DPH5: variants seen among roughly 807,000 people sequenced by gnomAD.
DPH5 encodes diphthamide biosynthesis 5, also known as diphthine methyl ester synthase.
In DPH5, 31 loss-of-function variants were observed where a neutral mutation model predicts 31.6. The ratio of observed to expected loss-of-function variants is 0.98; its 90% CI spans 0.74 to 1.32. DPH5 has a LOEUF of 1.32. Among genes scored for constraint, DPH5 ranks in the 40% most tolerant of loss-of-function variants. The pLI, the probability that DPH5 is intolerant of heterozygous loss-of-function variation, is 0.00. For synonymous variants in DPH5, 120 were observed against 115.0 expected (o/e 1.04, Z -0.28); for missense variants, 309 against 335.7 (o/e 0.92, Z 0.62).
chr1:100,990,546 C>T lies in DPH5; in HGVS notation c.720G>A (p.Met240Ile), dbSNP rs1262818765. ...QKIAAGTLRQMCTVDLGEPLH... is the reference protein window; with the variant it reads ...QKIAAGTLRQICTVDLGEPLH... ...ATGGTTCTCCCAAGTCCACAGTGCA[C>T]ATTTGCCTTAAAGTGCCTGCTGCAA... Residue 240 changes from methionine (M) to isoleucine (I), a missense_variant, in exon 8 of 8, where the codon ATG becomes ATA. Transcript: ENST00000370109. The T allele has an allele frequency of 1.2e-6, 2 of 1,614,134 alleles. No individual in the cohort carries two copies. Among genetic ancestry groups the T allele is most frequent in the East Asian group, 2.2e-5 (1 of 44,880 alleles).
At chr1:101,004,365 G>A (rs1366210878) in intron 4 of DPH5, among the ~76,000 whole-genome samples, 2 of 152,130 alleles carry the variant, frequency 1.3e-5, no homozygotes, top group East Asian at 3.8e-4. Context: ...AGAAGCCTAA[G>A]TATTGAACCA....
At chr1:101,009,630 C>T (rs1016769675) in intron 4 of DPH5, among the ~76,000 whole-genome samples, 6 of 152,194 alleles carry the variant, frequency 3.9e-5, no homozygotes, top group African/African-American at 1.4e-4. Context: ...AGAATTTCCT[C>T]AATTCCAATC....
chr1:101,010,580 G>A (rs1165618856), intron 4 of DPH5, among the ~76,000 whole-genome samples: 1 of 152,082 alleles, frequency 6.6e-6, no homozygotes, highest in African/African-American at 2.4e-5. Context: ...TGAAAAGTCT[G>A]TCTATTTCTA....
Position 101,013,707 on chromosome 1 carries a change from T to C in DPH5, c.369+3A>G. ...CACTGAAAAACCTCCTTTGTTGCATTACCTGTAAACCACAGCAGCCTACAG... is the reference window on the plus strand; with the variant it reads ...CACTGAAAAACCTCCTTTGTTGCATCACCTGTAAACCACAGCAGCCTACAG... On this transcript the variant is annotated splice_donor_region_variant and intron_variant, in intron 4 of 7. Coordinates refer to ENST00000370109, the MANE Select transcript of DPH5 (RefSeq NM_015958.3). The C allele has an allele frequency of 6.4e-7, 1 of 1,562,526 alleles. No homozygotes were observed. Among genetic ancestry groups the C allele is most frequent in the Non-Finnish European group, 8.7e-7 (1 of 1,151,898 alleles).
chr1:101,005,303 T>A (rs1474108643), intron 4 of DPH5, among the ~76,000 whole-genome samples: 1 of 152,236 alleles, frequency 6.6e-6, no homozygotes, highest in Non-Finnish European at 1.5e-5. Context: ...TTAAATCAGT[T>A]AAATCTGTGA....
chr1:101,007,748 A>G (rs1476904623), intron 4 of DPH5, among the ~76,000 whole-genome samples: 2 of 143,124 alleles, frequency 1.4e-5, no homozygotes, highest in African/African-American at 5.7e-5. Context: ...AAACAAAAAC[A>G]AAAACCAAAA....
At chr1:101,025,208 G>A in intron 2 of DPH5, 101 bp downstream of exon 2, 1 of 1,449,934 alleles carries the variant, frequency 6.9e-7, no homozygotes, top group Non-Finnish European at 9.3e-7. Flanking sequence ...GTTTCAAAGG[G>A]TTTAAACAAG....
Position 100,990,809 on chromosome 1 carries a change from A to AAAT in DPH5, c.635-179_635-178insATT, listed in dbSNP as rs1269526343. Among the ~76,000 whole-genome samples, 6 of 152,346 alleles carry AAAT rather than the reference A, an allele frequency of 3.9e-5. No individual in the cohort carries two copies. In the East Asian group the frequency reaches 1.2e-3, roughly 29 times the overall value. Reference sequence around the variant, plus strand: ...CCAAGGGATTTTCTAAATCATTTGTATTACCTAATATAAAAGAGTACTTCC... The same window carrying AAAT: ...CCAAGGGATTTTCTAAATCATTTGTAAATTTACCTAATATAAAAGAGTACTTCC... On this transcript the variant is annotated intron_variant, in intron 7 of 7. Transcript: ENST00000370109.
Position 100,999,732 on chromosome 1 carries a change from G to A in DPH5, c.490+1735C>T, listed in dbSNP as rs890312858. On this transcript the variant is annotated intron_variant, in intron 5 of 7. Transcript: ENST00000370109. ...CAGGCACCTGTAATCCCAGTTACTCGGAAGTCTGAGGCAGGAGAATCGCTT... is the reference window on the plus strand; with the variant it reads ...CAGGCACCTGTAATCCCAGTTACTCAGAAGTCTGAGGCAGGAGAATCGCTT... 5.3e-5 allele frequency among the ~76,000 whole-genome samples: 8 copies of A among 151,758 alleles called. No homozygotes were observed. In the East Asian group the frequency reaches 5.8e-4, roughly 11 times the overall value.
chr1:101,012,563 A>G (rs1306241865), intron 4 of DPH5, among the ~76,000 whole-genome samples: 2 of 152,214 alleles, frequency 1.3e-5, no homozygotes, highest in Admixed American at 1.3e-4. Flanking sequence ...AACATTTTAT[A>G]GTTCTATGAA....
chr1:100,993,597 T>TATATATATATATATATATATAC (rs1396586819), intron 6 of DPH5, among the ~76,000 whole-genome samples: 1 of 130,124 alleles, frequency 7.7e-6, no homozygotes, highest in African/African-American at 2.9e-5. Flanking sequence ...TATATATATA[T>TATATATATATATATATATATAC]AGCTATTGTG....
At chr1:100,998,471 T>G (rs1279856594) in intron 5 of DPH5, among the ~76,000 whole-genome samples, 1 of 148,612 alleles carries the variant, frequency 6.7e-6, no homozygotes, top group Non-Finnish European at 1.5e-5. Context: ...ACTGCACTAC[T>G]GCACTCCAGC....
At chr1:101,005,335 C>A (rs1659153381) in intron 4 of DPH5, among the ~76,000 whole-genome samples, 1 of 152,162 alleles carries the variant, frequency 6.6e-6, no homozygotes, top group Non-Finnish European at 1.5e-5. Context: ...GCCAAGCCAG[C>A]AAAACTGTCA....
intron 4 of DPH5, among the ~76,000 whole-genome samples, chr1:101,005,428 TTTG>T (rs930371587): frequency 2.6e-5 from 4 of 152,316 alleles, no homozygotes; most frequent in East Asian, 1.9e-4. Context: ...ATGGGTTTTG[TTTG>T]TTGTTGTTTT....
At chr1:101,002,444 T>C (rs184864172) in intron 4 of DPH5, among the ~76,000 whole-genome samples, 1 of 152,282 alleles carries the variant, frequency 6.6e-6, no homozygotes, top group East Asian at 1.9e-4. Context: ...ACTCCTAGGG[T>C]TGTGAGGATC....
chr1:100,996,458 G>A lies in DPH5; in HGVS notation c.491-1309C>T, dbSNP rs116147107. Among the ~76,000 whole-genome samples the A allele has an allele frequency of 4.8e-3, 726 of 152,208 alleles. 9 individuals are homozygous for A. Among genetic ancestry groups the A allele is most frequent in the African/African-American group, 0.016 (685 of 41,526 alleles). ...GTGACTTCGTCTCAAGCCAGACCCC[G>A]CATTACTTTTCCCTTGTCTTCACAC... On this transcript the variant is annotated intron_variant, in intron 5 of 7. Transcript: ENST00000370109.
chr1:101,014,245 T>C (rs1053354183), intron 3 of DPH5, among the ~76,000 whole-genome samples: 4 of 152,244 alleles, frequency 2.6e-5, no homozygotes, highest in African/African-American at 9.6e-5. Context: ...CTGCTCTATT[T>C]TGAAGACTTT....
At chr1:100,991,788 CAAAA>C (rs71084857) in intron 7 of DPH5, among the ~76,000 whole-genome samples, 1 of 101,066 alleles carries the variant, frequency 9.9e-6, no homozygotes, top group African/African-American at 4.0e-5. Flanking sequence ...GACCCCATCT[CAAAA>C]AAAAAAAAAA....
intron 3 of DPH5, among the ~76,000 whole-genome samples, chr1:101,018,014 CACAA>C (rs961398368): frequency 2.3e-4 from 35 of 152,118 alleles, no homozygotes; most frequent in Non-Finnish European, 4.7e-4. Context: ...TACATATACA[CACAA>C]ACAAATTTAC....
Sources: allele counts gnomAD v4.1 joint callset (sites outside exome capture counted in the v4.1 genomes callset), GRCh38; gene constraint gnomAD v4.1.1; transcripts MANE v1.5; gene names NCBI Gene and HGNC (gene_info 2026-07-23, HGNC 2026-07-21).